Variants in LRRC28 observed in about 807,000 individuals in gnomAD.
LRRC28 encodes leucine-rich repeat-containing protein 28.
In LRRC28, 39 loss-of-function variants were observed where a neutral mutation model predicts 45.7. The observed-to-expected ratio is 0.85, with a 90% CI of 0.66 to 1.12. The LOEUF (loss-of-function observed/expected upper bound fraction) is 1.12. Ranked by LOEUF, LRRC28 falls within the 50% of genes most tolerant of loss-of-function variation. The pLI is 0.00. For missense variants in LRRC28, 435 were observed against 438.5 expected, an observed-to-expected ratio of 0.99 and a Z score of 0.07; for synonymous variants, 206 against 178.8, an observed-to-expected ratio of 1.15 and a Z score of -1.22.
chr15:99,315,716 A>G (rs959464640), intron 5 of LRRC28, among the ~76,000 whole-genome samples: 1 of 152,142 alleles, frequency 6.6e-6, no homozygotes, highest in Non-Finnish European at 1.5e-5. Flanking sequence ...TGTGGCCCCA[A>G]TTTTGTTAAG....
chr15:99,381,999 G>T (rs1467893680), intron 9 of LRRC28, among the ~76,000 whole-genome samples: 1 of 152,244 alleles, frequency 6.6e-6, no homozygotes, highest in Non-Finnish European at 1.5e-5. Context: ...TGAGGGGGCA[G>T]TCTGTCCGTT....
At chr15:99,258,522 GAGAA>G in intron 2 of LRRC28, 5 of 747,290 alleles carry the variant, frequency 6.7e-6, no homozygotes, top group South Asian at 4.3e-5. Flanking sequence ...AGCAAAAGAA[GAGAA>G]AGAAGAATCT....
intron 6 of LRRC28, among the ~76,000 whole-genome samples, chr15:99,343,981 C>CTG (rs1039745723): frequency 3.9e-5 from 6 of 152,142 alleles, no homozygotes; most frequent in African/African-American, 1.4e-4. Flanking sequence ...CCTTTACAGC[C>CTG]TGTGACCTTG....
At chr15:99,254,663 C>A (rs2080964097) in intron 1 of LRRC28, among the ~76,000 whole-genome samples, 2 of 152,188 alleles carry the variant, frequency 1.3e-5, no homozygotes, top group Non-Finnish European at 2.9e-5. Flanking sequence ...TGGTATCAAA[C>A]CCTTGCTTTT....
At chr15:99,266,242 C>G (rs2081329361) in intron 2 of LRRC28, among the ~76,000 whole-genome samples, 1 of 152,176 alleles carries the variant, frequency 6.6e-6, no homozygotes, top group African/African-American at 2.4e-5. Flanking sequence ...TCCTGACTTT[C>G]TGCTTCAAAT....
chr15:99,344,002 C>T (rs1202923306), intron 6 of LRRC28, among the ~76,000 whole-genome samples: 3 of 152,152 alleles, frequency 2.0e-5, no homozygotes, highest in Non-Finnish European at 4.4e-5. Flanking sequence ...CCCGGCGCTG[C>T]GGTGTCCTGG....
intron 2 of LRRC28, among the ~76,000 whole-genome samples, chr15:99,265,659 A>T (rs1426382044): frequency 6.6e-6 from 1 of 152,096 alleles, no homozygotes; most frequent in Non-Finnish European, 1.5e-5. Flanking sequence ...TCAAGGGAGG[A>T]AATTAGTAGT....
intron 7 of LRRC28, 119 bp downstream of exon 7, chr15:99,352,590 A>G: frequency 1.4e-6 from 1 of 721,030 alleles, no homozygotes; most frequent in South Asian, 1.9e-5. Context: ...AACTAAGGAT[A>G]TTGGGCAGGC....
At position 99,347,487 on chromosome 15, in the gene LRRC28, A is replaced by G. The variant is rs368760747; in HGVS notation, c.593-4882A>G. Among the ~76,000 whole-genome samples, 66 of 152,252 alleles carry G rather than the reference A, an allele frequency of 4.3e-4. 1 individual carries two copies. In the East Asian group the frequency reaches 9.3e-3, roughly 21 times the overall value. On this transcript the variant is annotated intron_variant, in intron 6 of 9. Transcript: ENST00000301981. Reference sequence around the variant, plus strand: ...CTCCCAAAGTGCTGGGATTACAGGCATGGAGCTCTTTTTAAAAAAATACTC... The same window carrying G: ...CTCCCAAAGTGCTGGGATTACAGGCGTGGAGCTCTTTTTAAAAAAATACTC...
At chr15:99,253,125 ATT>A (rs3070451) in intron 1 of LRRC28, among the ~76,000 whole-genome samples, 12 of 148,824 alleles carry the variant, frequency 8.1e-5, no homozygotes, top group Non-Finnish European at 1.8e-4. Context: ...TAGGGAAGTG[ATT>A]TTTTTTTTTT....
At position 99,389,374 on chromosome 15, in the gene LRRC28, T is replaced by A. The variant is rs1269707649; in HGVS notation, c.*3272T>A. On this transcript the variant is annotated 3_prime_UTR_variant, in exon 10 of 10. Coordinates refer to ENST00000301981, the MANE Select transcript of LRRC28 (RefSeq NM_144598.5). ...TCTAAAATATGTAACTATTTTGTAGTCTGTGGGGACTTTCAAAGCCAATTT... is the reference window on the plus strand; with the variant it reads ...TCTAAAATATGTAACTATTTTGTAGACTGTGGGGACTTTCAAAGCCAATTT... 3.3e-5 allele frequency: 5 copies of A among 152,094 alleles called. No homozygotes were observed. The highest frequency in any genetic ancestry group is 1.2e-4 in the African/African-American group (5 of 41,318). 9.4% of individuals were successfully genotyped at this position (152,094 alleles called of 1,614,324 possible). A position where few individuals can be genotyped will look rare whatever the true frequency, so the allele number is the denominator to read the frequency against.
At chr15:99,336,182 T>C (rs1045010906) in intron 6 of LRRC28, among the ~76,000 whole-genome samples, 1 of 152,232 alleles carries the variant, frequency 6.6e-6, no homozygotes, top group African/African-American at 2.4e-5. Flanking sequence ...TTCGGCCAGG[T>C]ACTCTGTTTA....
chr15:99,290,443 A>T (rs1022470618), intron 5 of LRRC28, among the ~76,000 whole-genome samples: 4 of 152,116 alleles, frequency 2.6e-5, no homozygotes, highest in Non-Finnish European at 5.9e-5. Flanking sequence ...ATGGTGTTTC[A>T]TCATTCTAGC....
chr15:99,304,048 C>T (rs1448284013), intron 5 of LRRC28, among the ~76,000 whole-genome samples: 1 of 152,096 alleles, frequency 6.6e-6, no homozygotes, highest in East Asian at 1.9e-4. Flanking sequence ...TACTAGGGAC[C>T]GAGGTTAGAA....
At chr15:99,330,105 C>T (rs547923241) in intron 5 of LRRC28, among the ~76,000 whole-genome samples, 2 of 152,028 alleles carry the variant, frequency 1.3e-5, no homozygotes, top group South Asian at 4.1e-4. Context: ...AAAATTCTTT[C>T]GAGAATTATA....
In LRRC28 at chr15:99,333,927, T is replaced by C. The variant is rs1956235306; in HGVS notation, c.390T>C (p.Val130=). 1 of 1,613,924 alleles carries C rather than the reference T, an allele frequency of 6.2e-7. No individual in the cohort carries two copies. The highest frequency in any genetic ancestry group is 1.3e-5 in the African/African-American group (1 of 74,930). Residue 130 remains valine (V), a synonymous_variant, in exon 6 of 10, where the codon GTT becomes GTC. Coordinates refer to ENST00000301981, the MANE Select transcript of LRRC28 (RefSeq NM_144598.5). ...TAATTTTGATTTTGGTTGTAGAGGT[T>C]GGCGATTTGAAGGAGCTGCAGACAC... ...NNQLQFLPPE[V]GDLKELQTLD...
chr15:99,289,716 G>A (rs1167590883), intron 5 of LRRC28, among the ~76,000 whole-genome samples: 2 of 149,876 alleles, frequency 1.3e-5, no homozygotes, highest in Admixed American at 6.7e-5. Flanking sequence ...GGTGGATCAT[G>A]AGGTCAGGAG....
chr15:99,346,543 T>C (rs545699073), intron 6 of LRRC28, among the ~76,000 whole-genome samples: 1 of 152,340 alleles, frequency 6.6e-6, no homozygotes, highest in South Asian at 2.1e-4. Flanking sequence ...TGTTGAGACA[T>C]TTGAAGCCTA....
intron 9 of LRRC28, among the ~76,000 whole-genome samples, chr15:99,367,691 A>G (rs1245122943): frequency 6.6e-6 from 1 of 152,204 alleles, no homozygotes; most frequent in Non-Finnish European, 1.5e-5. Flanking sequence ...GATAGAAGAG[A>G]CGTATAAAGC....
Sources: gnomAD v4.1 joint callset for allele counts (sites outside exome capture counted in the v4.1 genomes callset) on GRCh38, gnomAD v4.1.1 for gene constraint, MANE v1.5 for transcripts, NCBI Gene and HGNC (gene_info 2026-07-23, HGNC 2026-07-21) for gene names.